Variants in UMODL1 observed in about 807,000 individuals in gnomAD.
UMODL1 encodes uromodulin-like 1.
In UMODL1, 128 loss-of-function variants were observed where a neutral mutation model predicts 136.3. The ratio of observed to expected loss-of-function variants is 0.94; its 90% confidence interval spans 0.81 to 1.09. The LOEUF (loss-of-function observed/expected upper bound fraction) is 1.09. Ranked by LOEUF, UMODL1 falls within the 50% of genes least tolerant of loss-of-function variation. UMODL1 has a pLI of 0.00. For missense variants in UMODL1, 1,766 were observed against 1,725.6 expected, an observed-to-expected ratio of 1.02 and a Z score of -0.41; for synonymous variants, 721 against 720.0, an observed-to-expected ratio of 1.00 and a Z score of -0.02.
chr21:42,064,190 C>G, intron 1 of UMODL1, among the ~76,000 whole-genome samples: 1 of 152,110 alleles, frequency 6.6e-6, no homozygotes, highest in South Asian at 2.1e-4. Flanking sequence ...TCTGCAGGTC[C>G]CTCCTCTGAT....
intron 6 of UMODL1, among the ~76,000 whole-genome samples, chr21:42,092,076 C>A (rs533430199): frequency 6.6e-6 from 1 of 152,204 alleles, no homozygotes; most frequent in Admixed American, 6.5e-5. Flanking sequence ...GGAGGGTACA[C>A]GCATGGGTAA....
chr21:42,086,876 G>A (rs981511992), intron 4 of UMODL1, among the ~76,000 whole-genome samples: 1 of 152,262 alleles, frequency 6.6e-6, no homozygotes, highest in African/African-American at 2.4e-5. Flanking sequence ...TGAGGCAGGA[G>A]AATTGCTTGA....
At chr21:42,090,582 C>A in intron 6 of UMODL1, 144 bp downstream of exon 6, 1 of 1,116,738 alleles carries the variant, frequency 9.0e-7, no homozygotes, top group Non-Finnish European at 1.2e-6. Context: ...ATTATTTTCG[C>A]ATCACTGTGG....
chr21:42,130,396 AT>A (rs2067119236), intron 21 of UMODL1, among the ~76,000 whole-genome samples: 1 of 152,144 alleles, frequency 6.6e-6, no homozygotes, highest in Non-Finnish European at 1.5e-5. Flanking sequence ...CCAGAAAAAC[AT>A]TTTATTTTCT....
intron 1 of UMODL1, among the ~76,000 whole-genome samples, chr21:42,074,595 G>A (rs893928432): frequency 5.9e-5 from 9 of 152,280 alleles, no homozygotes; most frequent in African/African-American, 1.9e-4. Flanking sequence ...ATGGAGGGGC[G>A]ATGGGCCTTG....
intron 1 of UMODL1, among the ~76,000 whole-genome samples, chr21:42,071,650 C>T (rs1013482172): frequency 1.3e-5 from 2 of 151,952 alleles, no homozygotes; most frequent in Non-Finnish European, 2.9e-5. Flanking sequence ...CCTGGGCGTT[C>T]GTGGGGGTAA....
chr21:42,127,365 A>T lies in UMODL1; in HGVS notation c.3530+123A>T. 4.2e-6 allele frequency: 4 copies of T among 956,092 alleles called. No homozygotes were observed. In the Admixed American group the frequency reaches 7.9e-5, roughly 19 times the overall value. 59.2% of individuals were successfully genotyped at this position (956,092 alleles called of 1,614,324 possible). On this transcript the variant is annotated intron_variant, in intron 19 of 22. Coordinates refer to ENST00000408910, the MANE Select transcript of UMODL1 (RefSeq NM_001004416.3). ...GCCCAGGGCTTCATTAACAATAGGT[A>T]GGGCTCAGGAGTGCAGGCACCCCTG...
At chr21:42,129,351 G>A (rs757619793) in intron 20 of UMODL1, among the ~76,000 whole-genome samples, 2 of 152,156 alleles carry the variant, frequency 1.3e-5, no homozygotes, top group Non-Finnish European at 2.9e-5. Context: ...ACAAATGGCT[G>A]CAGCAACCTT....
At position 42,090,453 on chromosome 21, in the gene UMODL1, C is replaced by G; in HGVS notation, c.931+15C>G. 1.2e-6 allele frequency: 2 copies of G among 1,613,092 alleles called. No homozygotes were observed. Among genetic ancestry groups the G allele is most frequent in the Non-Finnish European group, 1.7e-6 (2 of 1,179,638 alleles). The stretch of plus-strand genomic sequence containing the variant: ...GGAGTGGGAAGGTAATGGCTAGGCT[C>G]TCTCAGATGGCATGGGAATGGCTTA... On this transcript the variant is annotated intron_variant, in intron 6 of 22. Coordinates refer to ENST00000408910, the MANE Select transcript of UMODL1 (RefSeq NM_001004416.3).
In UMODL1 at chr21:42,126,330, C is replaced by A; in HGVS notation, c.3148-15C>A. 1 of 1,613,714 alleles carries A rather than the reference C, an allele frequency of 6.2e-7. No individual in the cohort carries two copies. The highest frequency in any genetic ancestry group is 8.5e-7 in the Non-Finnish European group (1 of 1,179,866). ...CTGGGGCCTGGGAGCTCCTCATGCT[C>A]CGCTTTGTGCTCAGAACATGACGAA... On this transcript the variant is annotated splice_polypyrimidine_tract_variant and intron_variant, in intron 17 of 22. Coordinates refer to ENST00000408910, the MANE Select transcript of UMODL1 (RefSeq NM_001004416.3).
intron 2 of UMODL1, among the ~76,000 whole-genome samples, chr21:42,077,742 G>A (rs529761371): frequency 4.3e-4 from 65 of 152,268 alleles, no homozygotes; most frequent in South Asian, 1.0e-3. Context: ...AGTCTGTCTG[G>A]CTCTCTTAGC....
rs534266184 is a variant in UMODL1, at chr21:42,122,616, CAT to C, written c.2828-214_2828-213del. Reference sequence around the variant, plus strand: ...GTGCATGTGTGTGCATCTCTGCGTGCATGTGTGTGCATGCACGTGTGTGTACG... The same window carrying C: ...GTGCATGTGTGTGCATCTCTGCGTGCGTGTGTGCATGCACGTGTGTGTACG... On this transcript the variant is annotated intron_variant, in intron 16 of 22. Transcript: ENST00000408910. The surrounding 1 kb of genome is among the most constrained non-coding windows in gnomAD (Gnocchi z 4.3). Among the ~76,000 whole-genome samples, 100 of 148,272 alleles carry C rather than the reference CAT, an allele frequency of 6.7e-4. No individual in the cohort carries two copies. The highest frequency in any genetic ancestry group is 3.5e-3 in the Middle Eastern group (1 of 286).
chr21:42,075,883 G>A (rs77485256), intron 1 of UMODL1, 122 bp from the exon 2 acceptor site: 66,172 of 1,435,908 alleles, frequency 0.046, 2,279 homozygotes, highest in East Asian at 0.19. Context: ...GCTTCTGAGA[G>A]GCCTGCGCGA....
At position 42,109,655 on chromosome 21, in the gene UMODL1, C is replaced by T; in HGVS notation, c.1613C>T (p.Thr538Ile). The T allele has an allele frequency of 6.2e-7, 1 of 1,608,504 alleles. No homozygotes were observed. Among genetic ancestry groups the T allele is most frequent in the Non-Finnish European group, 8.5e-7 (1 of 1,180,006 alleles). ...GGCTCCTACACCTGCCAGTGCCGTACCACCAGGGACGCCACCCCCTCCCGC... is the reference window on the plus strand; with the variant it reads ...GGCTCCTACACCTGCCAGTGCCGTATCACCAGGGACGCCACCCCCTCCCGC... ...LEGSYTCQCR[T>I]TRDATPSRAG... The change falls in exon 10 of 23, where the codon ACC becomes ATC. Residue 538 changes from threonine (T) to isoleucine (I), a missense_variant. By Grantham distance (89) the Thr-to-Ile change is moderately conservative. Transcript: ENST00000408910.
At chr21:42,116,216 T>C (rs2066900797) in intron 14 of UMODL1, among the ~76,000 whole-genome samples, 1 of 146,456 alleles carries the variant, frequency 6.8e-6, no homozygotes, top group Admixed American at 6.9e-5. Context: ...GAGCCTGTCA[T>C]GGTGGCGCAT....
chr21:42,096,658 T>C (rs931953738), intron 6 of UMODL1, among the ~76,000 whole-genome samples: 2 of 152,172 alleles, frequency 1.3e-5, no homozygotes, highest in African/African-American at 2.4e-5. Context: ...TGCGTCAAGT[T>C]TGATATCTGA....
At position 42,113,588 on chromosome 21, in the gene UMODL1, G is replaced by A; in HGVS notation, c.2120G>A (p.Gly707Glu). ...CACTTCCCAGTTCCTGTCTCCATTG[G>A]GAGGATCATGGTCTCCAATGTGACC... Reference protein sequence around the residue: ...KTPACVPVSIGRIMVSNVTST... With the variant: ...KTPACVPVSIERIMVSNVTST... Residue 707 changes from glycine (G) to glutamate (E), a missense_variant, in exon 13 of 23, where the codon GGG becomes GAG. By Grantham distance (98) the Gly-to-Glu change is moderately conservative (BLOSUM62 -2). Transcript: ENST00000408910. 2 of 1,613,506 alleles carry A rather than the reference G, an allele frequency of 1.2e-6. No individual in the cohort carries two copies. Among genetic ancestry groups the A allele is most frequent in the Non-Finnish European group, 1.7e-6 (2 of 1,179,576 alleles).
chr21:42,108,185 G>T (rs898118786), intron 9 of UMODL1: 2 of 436,688 alleles, frequency 4.6e-6, no homozygotes, highest in Non-Finnish European at 9.6e-6. Context: ...GACATCAGGT[G>T]CTTGGTGGTT....
intron 21 of UMODL1, among the ~76,000 whole-genome samples, chr21:42,130,051 C>T (rs560096041): frequency 6.6e-6 from 1 of 152,290 alleles, no homozygotes; most frequent in Admixed American, 6.5e-5. Flanking sequence ...TATTACCATA[C>T]CCATGCTACA....
Sources: allele counts gnomAD v4.1 joint callset (sites outside exome capture counted in the v4.1 genomes callset), GRCh38; gene constraint gnomAD v4.1.1; non-coding constraint Gnocchi (gnomAD v3.1); transcripts MANE v1.5; gene names NCBI Gene and HGNC (gene_info 2026-07-23, HGNC 2026-07-21).